The following NHSL1 variants were observed in gnomAD, a reference collection of about 807,000 sequenced individuals.
NHSL1 encodes NHS-like protein 1.
A neutral mutation model predicts 95.0 loss-of-function variants in NHSL1; 48 were observed. The observed-to-expected ratio is 0.51, with a 90% CI of 0.40 to 0.64. The LOEUF is 0.64. Among genes scored for constraint, NHSL1 ranks in the 30% least tolerant of loss-of-function variants. The pLI, the probability that NHSL1 is intolerant of heterozygous loss-of-function variation, is 0.00. For missense variants in NHSL1, 1,971 were observed against 2,077.7 expected, an observed-to-expected ratio of 0.95 and a Z score of 1.00; for synonymous variants, 783 against 833.9, an observed-to-expected ratio of 0.94 and a Z score of 1.05.
At chr6:138,434,617 G>GA (rs1775952061) in intron 5 of NHSL1, among the ~76,000 whole-genome samples, 1 of 151,794 alleles carries the variant, frequency 6.6e-6, no homozygotes, top group African/African-American at 2.4e-5. Context: ...AAGACAAATC[G>GA]AATCTCTAAA....
chr6:138,464,768 AG>A (rs566778635), intron 3 of NHSL1, among the ~76,000 whole-genome samples: 57 of 132,118 alleles, frequency 4.3e-4, no homozygotes, highest in South Asian at 1.1e-3. Context: ...GCTGGAGTGC[AG>A]TGGCATGATC....
At chr6:138,520,274 TTAATTC>T in intron 1 of NHSL1, among the ~76,000 whole-genome samples, 1 of 149,924 alleles carries the variant, frequency 6.7e-6, no homozygotes, top group East Asian at 2.0e-4. Flanking sequence ...GCTGCCTAGT[TTAATTC>T]TTTTTTTTTT....
chr6:138,489,974 G>C (rs1583291497), intron 2 of NHSL1, among the ~76,000 whole-genome samples: 1 of 113,162 alleles, frequency 8.8e-6, no homozygotes, highest in East Asian at 3.0e-4. Flanking sequence ...GAGGGGGAGA[G>C]GGGGAGAGGG....
chr6:138,473,344 C>A lies in NHSL1; in HGVS notation c.301G>T (p.Asp101Tyr). The A allele has an allele frequency of 6.5e-7, 1 of 1,547,960 alleles. No individual in the cohort carries two copies. The highest frequency in any genetic ancestry group is 8.7e-7 in the Non-Finnish European group (1 of 1,145,630). Reference sequence around the variant, plus strand: ...TCTTCATCTTCATCTTGGTAATCATCACAGAATGGGCTGGCGTTGGCCGCA... The same window carrying A: ...TCTTCATCTTCATCTTGGTAATCATAACAGAATGGGCTGGCGTTGGCCGCA... ...TFAANASPFC[D>Y]DYQDEDEETD... The change falls in exon 3 of 8, where the codon GAT (aspartate) becomes TAT (tyrosine). Residue 101 changes from aspartate to tyrosine, a missense_variant. By Grantham distance (160) the Asp-to-Tyr change is radical. Transcript: ENST00000343505.
intron 1 of NHSL1, among the ~76,000 whole-genome samples, chr6:138,648,721 C>T (rs762446152): frequency 7.2e-5 from 11 of 152,178 alleles, no homozygotes; most frequent in Non-Finnish European, 1.3e-4. Context: ...TGAAAGCAGT[C>T]GTTTTCTTGG....
At chr6:138,456,486 A>G (rs781472726) in intron 3 of NHSL1, among the ~76,000 whole-genome samples, 1 of 152,214 alleles carries the variant, frequency 6.6e-6, no homozygotes, top group Non-Finnish European at 1.5e-5. Flanking sequence ...GGAAATTTCG[A>G]TTTCTGTCAC....
At chr6:138,687,665 A>C (rs1267347234) in intron 1 of NHSL1, among the ~76,000 whole-genome samples, 1 of 152,212 alleles carries the variant, frequency 6.6e-6, no homozygotes, top group African/African-American at 2.4e-5. Context: ...TACTTTTTCA[A>C]TCATAAAAGT....
intron 2 of NHSL1, among the ~76,000 whole-genome samples, chr6:138,475,329 C>T (rs1779004439): frequency 6.6e-6 from 1 of 151,818 alleles, no homozygotes; most frequent in East Asian, 1.9e-4. Flanking sequence ...CTCAAGTGAT[C>T]CTGCCACCTC....
chr6:138,431,476 T>C lies in NHSL1; in HGVS notation c.2869A>G (p.Thr957Ala). The C allele has an allele frequency of 6.5e-7, 1 of 1,544,012 alleles. No individual in the cohort carries two copies. Among genetic ancestry groups the C allele is most frequent in the South Asian group, 1.2e-5 (1 of 83,726 alleles). ...AGAGGAGAGCCCTGGGAGCAATCTG[T>C]GACAGGAGGTGGGGGAGGAAGGAAA... Reference protein sequence around the residue: ...SPFLPPPPPVTDCSQGSPLPH... With the variant: ...SPFLPPPPPVADCSQGSPLPH... The change falls in exon 6 of 8, where the codon ACA (threonine) becomes GCA (alanine). Residue 957 changes from threonine to alanine, a missense_variant. Thr to Ala is a moderately conservative substitution (Grantham distance 58, BLOSUM62 0). Around this residue, in one of 3 missense-constraint regions of NHSL1, gnomAD observed 1,602 missense variants for 1,654.5 expected, o/e 0.97. Coordinates refer to ENST00000343505, the MANE Select transcript of NHSL1 (RefSeq NM_001144060.2). The surrounding 1 kb of genome is among the most constrained non-coding windows in gnomAD (Gnocchi z 4.0).
chr6:138,558,367 C>G (rs753837868), intron 1 of NHSL1, among the ~76,000 whole-genome samples: 1 of 151,402 alleles, frequency 6.6e-6, no homozygotes, highest in Non-Finnish European at 1.5e-5. Context: ...CGTGATCCAC[C>G]TGCGTCAGCC....
Position 138,432,756 on chromosome 6 carries a change from G to A in NHSL1, c.1589C>T (p.Pro530Leu). The change falls in exon 6 of 8, where the codon CCC becomes CTC. Residue 530 changes from proline (P) to leucine (L), a missense_variant. This residue lies in a region of NHSL1 where 1,602 missense variants were observed against 1,654.5 expected (regional missense o/e 0.97). Coordinates refer to ENST00000343505, the MANE Select transcript of NHSL1 (RefSeq NM_001144060.2). The surrounding 1 kb of genome is among the most constrained non-coding windows in gnomAD (Gnocchi z 4.4). ...TTCACTCTTGCCATCCACATCTTGG[G>A]GGTGGGCTGGGAAGGCCAGGTTGTT... ...CRNNLAFPAH[P>L]QDVDGKSESS... is the part of the protein sequence containing the mutation. 2 of 1,551,666 alleles carry A rather than the reference G, an allele frequency of 1.3e-6. No individual in the cohort carries two copies. The highest frequency in any genetic ancestry group is 1.7e-6 in the Non-Finnish European group (2 of 1,146,984).
intron 1 of NHSL1, among the ~76,000 whole-genome samples, chr6:138,647,629 G>T (rs1785037042): frequency 6.9e-6 from 1 of 145,768 alleles, no homozygotes; most frequent in Non-Finnish European, 1.5e-5. Context: ...TTGAGATGGA[G>T]ACTCGCTCTG....
intron 1 of NHSL1, among the ~76,000 whole-genome samples, chr6:138,616,190 A>G (rs1188488579): frequency 1.3e-5 from 2 of 152,204 alleles, no homozygotes; most frequent in Non-Finnish European, 2.9e-5. Context: ...TATCAATATT[A>G]TTTCTAAAAT....
chr6:138,502,144 T>G (rs968142195), upstream of NHSL1, among the ~76,000 whole-genome samples: 2 of 152,130 alleles, frequency 1.3e-5, no homozygotes, highest in Non-Finnish European at 2.9e-5. Context: ...TATTCCACAC[T>G]GCCACATAAC....
chr6:138,471,350 A>G (rs1562304120), intron 3 of NHSL1, among the ~76,000 whole-genome samples: 1 of 152,188 alleles, frequency 6.6e-6, no homozygotes, highest in Non-Finnish European at 1.5e-5. Flanking sequence ...GCATCAGTAT[A>G]AGGCTAAAGT....
chr6:138,497,267 A>G (rs1562327972), intron 1 of NHSL1, among the ~76,000 whole-genome samples: 1 of 152,174 alleles, frequency 6.6e-6, no homozygotes. Context: ...TTCATCAACA[A>G]TGTTTTAATA....
rs995995816 is a variant in NHSL1 at position 138,430,054 on chromosome 6, G to A, written c.3953-211C>T. On this transcript the variant is annotated intron_variant, in intron 6 of 7. Coordinates refer to ENST00000343505, the MANE Select transcript of NHSL1 (RefSeq NM_001144060.2). The surrounding 1 kb of genome is among the most constrained non-coding windows in gnomAD (Gnocchi z 4.7). ...CTCATTCTTTGTTAAAGTATGGAAC[G>A]CCCATGGCATCTCTCTTAAATTTTG... Among the ~76,000 whole-genome samples, 7 of 152,256 alleles carry A rather than the reference G, an allele frequency of 4.6e-5. No homozygotes were observed. The East Asian group carries it at 5.8e-4, about 13-fold the overall frequency.
At chr6:138,641,218 A>G (rs1784955541) in intron 1 of NHSL1, among the ~76,000 whole-genome samples, 1 of 152,254 alleles carries the variant, frequency 6.6e-6, no homozygotes, top group African/African-American at 2.4e-5. Context: ...CAATGGGATT[A>G]CTAAAACAAG....
chr6:138,661,999 A>C (rs947737645), intron 1 of NHSL1, among the ~76,000 whole-genome samples: 13 of 152,152 alleles, frequency 8.5e-5, no homozygotes, highest in African/African-American at 3.1e-4. Flanking sequence ...ACTTGAGCCC[A>C]CAAGTTTGAG....
Sources: allele counts gnomAD v4.1 joint callset (sites outside exome capture counted in the v4.1 genomes callset), GRCh38; gene constraint gnomAD v4.1.1; regional missense constraint gnomAD v4.1.1; non-coding constraint Gnocchi (gnomAD v3.1); transcripts MANE v1.5; gene names NCBI Gene and HGNC (gene_info 2026-07-23, HGNC 2026-07-21).